TNS1: variants seen among roughly 807,000 people sequenced by gnomAD.
The protein encoded by TNS1 is tensin-1.
In TNS1, 62 loss-of-function variants were observed where a neutral mutation model predicts 168.6. The ratio of observed to expected loss-of-function variants is 0.37; its 90% CI spans 0.30 to 0.45. The LOEUF is 0.45. TNS1 is among the 20% of genes least tolerant of loss of function. TNS1 has a pLI of 1.00. For missense variants in TNS1, 2,240 were observed against 2,339.4 expected, an observed-to-expected ratio of 0.96 and a Z score of 0.88; for synonymous variants, 934 against 933.2, an observed-to-expected ratio of 1.00 and a Z score of -0.02.
chr2:217,918,040 T>C (rs1955273822), intron 4 of TNS1, among the ~76,000 whole-genome samples: 1 of 151,642 alleles, frequency 6.6e-6, no homozygotes, highest in Non-Finnish European at 1.5e-5. Flanking sequence ...AAGACACGGG[T>C]GAACGAGAAG....
intron 4 of TNS1, among the ~76,000 whole-genome samples, chr2:217,913,752 C>G (rs993136320): frequency 6.6e-6 from 1 of 152,106 alleles, no homozygotes; most frequent in African/African-American, 2.4e-5. Context: ...CCCCTTCTCC[C>G]TCCAGCCACT....
chr2:217,854,631 G>A (rs1313634952), intron 18 of TNS1, among the ~76,000 whole-genome samples: 1 of 152,208 alleles, frequency 6.6e-6, no homozygotes, highest in Non-Finnish European at 1.5e-5. Flanking sequence ...GGAATCCAAG[G>A]CCACGTGCAT....
chr2:217,984,394 C>G (rs951760565), intron 2 of TNS1, among the ~76,000 whole-genome samples: 5 of 151,914 alleles, frequency 3.3e-5, no homozygotes, highest in Non-Finnish European at 5.9e-5. Flanking sequence ...AACACAAATT[C>G]GTAAATTTCT....
chr2:217,816,130 C>G (rs1371139251), intron 24 of TNS1, among the ~76,000 whole-genome samples: 1 of 152,166 alleles, frequency 6.6e-6, no homozygotes, highest in Non-Finnish European at 1.5e-5. Context: ...CCAAGTCACA[C>G]AGATGGTGAC....
chr2:217,885,915 T>C lies in TNS1; in HGVS notation c.1041-96A>G. On this transcript the variant is annotated intron_variant, in intron 14 of 32. Coordinates refer to ENST00000682258, the MANE Select transcript of TNS1 (RefSeq NM_001387777.1). The stretch of plus-strand genomic sequence containing the variant: ...TGCTGCCCCTACGCCACAGGGTTAG[T>C]GGGAAACCTCTCTGACTCTGTCCTT... 1.9e-6 allele frequency: 3 copies of C among 1,552,624 alleles called. No homozygotes were observed. In the South Asian group the frequency reaches 3.4e-5, roughly 17 times the overall value.
chr2:217,880,031 C>T lies in TNS1; in HGVS notation c.1429+867G>A, dbSNP rs1950544511. On this transcript the variant is annotated intron_variant, in intron 18 of 32. Coordinates refer to ENST00000682258, the MANE Select transcript of TNS1 (RefSeq NM_001387777.1). The surrounding 1 kb of genome is among the most constrained non-coding windows in gnomAD (Gnocchi z 4.2). ...GAACACAGATGGGTGATGGGCTGGA[C>T]CATCCTGAAGGTCCTCCCAGCTCCA... 6.6e-6 allele frequency among the ~76,000 whole-genome samples: 1 copy of T among 152,198 alleles called. No homozygotes were observed. The highest frequency in any genetic ancestry group is 6.5e-5 in the Admixed American group (1 of 15,284).
chr2:217,815,162 C>A (rs1941684755), intron 24 of TNS1, 164 bp from the exon 25 acceptor site: 3 of 624,012 alleles, frequency 4.8e-6, no homozygotes, highest in African/African-American at 1.8e-5. Flanking sequence ...TTAGGGTGAG[C>A]CTTAATCCAG....
intron 3 of TNS1, among the ~76,000 whole-genome samples, chr2:217,950,240 T>A (rs1344895547): frequency 1.3e-5 from 2 of 152,140 alleles, no homozygotes; most frequent in Admixed American, 6.5e-5. Context: ...GCAAGCACCA[T>A]CAGCACCTTG....
intron 3 of TNS1, among the ~76,000 whole-genome samples, chr2:217,961,046 C>T (rs1042401672): frequency 2.0e-5 from 3 of 152,046 alleles, no homozygotes; most frequent in African/African-American, 7.2e-5. Flanking sequence ...GAAGGCTCCT[C>T]TCTCCCTAGC....
At chr2:217,914,487 T>G (rs1002047969) in intron 4 of TNS1, among the ~76,000 whole-genome samples, 2 of 152,144 alleles carry the variant, frequency 1.3e-5, no homozygotes, top group African/African-American at 4.8e-5. Context: ...TAGGTATCAG[T>G]AAGAATGTTT....
upstream of TNS1, among the ~76,000 whole-genome samples, chr2:218,004,714 G>A (rs1457188249): frequency 2.0e-5 from 3 of 152,144 alleles, no homozygotes; most frequent in East Asian, 1.9e-4. Context: ...TCTTTGTTCC[G>A]GTAGAGGAGT....
chr2:217,826,915 G>T (rs1437665639), intron 22 of TNS1, among the ~76,000 whole-genome samples: 1 of 152,180 alleles, frequency 6.6e-6, no homozygotes, highest in Non-Finnish European at 1.5e-5. Context: ...GAGGCTCTTT[G>T]CTTGGAGAGA....
chr2:217,968,499 A>C (rs1575146027), intron 3 of TNS1, among the ~76,000 whole-genome samples: 1 of 152,240 alleles, frequency 6.6e-6, no homozygotes. Flanking sequence ...TGAAAGACCT[A>C]AAAATGAAAT....
intron 3 of TNS1, among the ~76,000 whole-genome samples, chr2:217,966,308 T>TGTGTGCGCGCGC (rs372273499): frequency 7.5e-6 from 1 of 133,674 alleles, no homozygotes; most frequent in East Asian, 2.3e-4. Context: ...TGTGTGTGTG[T>TGTGTGCGCGCGC]GCGCGCGCGC....
At chr2:217,814,609 C>A (rs1384064363) in intron 25 of TNS1, among the ~76,000 whole-genome samples, 5 of 152,200 alleles carry the variant, frequency 3.3e-5, no homozygotes, top group African/African-American at 1.2e-4. Flanking sequence ...AAAAACCTCC[C>A]ACATCAGGCA....
chr2:217,807,356 C>T (rs955279482), intron 32 of TNS1, among the ~76,000 whole-genome samples: 1 of 152,204 alleles, frequency 6.6e-6, no homozygotes, highest in African/African-American at 2.4e-5. Context: ...TGTGAAAAAA[C>T]CCTAGTTACT....
At chr2:217,980,548 A>G (rs1466673608) in intron 2 of TNS1, among the ~76,000 whole-genome samples, 2 of 141,810 alleles carry the variant, frequency 1.4e-5, no homozygotes, top group Non-Finnish European at 3.1e-5. Flanking sequence ...GAGAGAGAGG[A>G]GCCTGGTACA....
chr2:217,828,748 TG>T (rs1943972579), intron 22 of TNS1, among the ~76,000 whole-genome samples: 2 of 152,232 alleles, frequency 1.3e-5, no homozygotes, highest in Admixed American at 1.3e-4. Context: ...TCCTTGAAAC[TG>T]CTTTTCAGAA....
intron 3 of TNS1, among the ~76,000 whole-genome samples, chr2:217,924,381 A>C (rs115642846): frequency 0.012 from 1,816 of 152,070 alleles, 45 homozygotes; most frequent in African/African-American, 0.041. Context: ...GCCTTCACAG[A>C]CCTTATTACA....
Sources: allele counts gnomAD v4.1 joint callset (sites outside exome capture counted in the v4.1 genomes callset), GRCh38; gene constraint gnomAD v4.1.1; non-coding constraint Gnocchi (gnomAD v3.1); transcripts MANE v1.5; gene names NCBI Gene and HGNC (gene_info 2026-07-23, HGNC 2026-07-21).